Variants in CLMP observed in about 807,000 individuals in gnomAD.
CLMP encodes the protein CXADR like cell adhesion molecule.
Under a neutral mutation model 45.2 loss-of-function variants are expected in CLMP, and 27 were observed. The observed-to-expected ratio is 0.60, with a 90% CI of 0.44 to 0.82. The LOEUF is 0.82. Among genes scored for constraint, CLMP ranks in the 40% least tolerant of loss-of-function variants. The pLI, the probability that CLMP is intolerant of heterozygous loss-of-function variation, is 0.00. For synonymous variants in CLMP, 167 were observed against 171.4 expected (o/e 0.97, Z 0.20); for missense variants, 403 against 448.4 (o/e 0.90, Z 0.91).
At chr11:123,141,173 CTTTTTTTTTTTTTTTT>C (rs550888215) in intron 1 of CLMP, among the ~76,000 whole-genome samples, 4 of 80,808 alleles carry the variant, frequency 4.9e-5, no homozygotes, top group Non-Finnish European at 8.9e-5. Context: ...TCAGGCATTC[CTTTTTTTTTTTTTTTT>C]TTTTTTTTTT....
Position 123,195,203 on chromosome 11 carries a change from T to C in CLMP, c.-263A>G, listed in dbSNP as rs1258609370. The C allele has an allele frequency of 1.5e-5, 4 of 260,054 alleles. No homozygotes were observed. Among genetic ancestry groups the C allele is most frequent in the Non-Finnish European group, 2.9e-5 (4 of 139,360 alleles). The allele number at this position is 260,054 out of a possible 1,614,324, so 16.1% of individuals were successfully genotyped here. On this transcript the variant is annotated 5_prime_UTR_variant, in exon 1 of 7. Coordinates refer to ENST00000448775, the MANE Select transcript of CLMP (RefSeq NM_024769.5). ...AGGAAAACGCGAGGCGAAAAGGCGC[T>C]ACCGCTTCGTGGAACACTTTTCCCT...
intron 5 of CLMP, among the ~76,000 whole-genome samples, chr11:123,081,822 A>G (rs1353680535): frequency 2.0e-5 from 3 of 151,094 alleles, no homozygotes; most frequent in Non-Finnish European, 4.4e-5. Flanking sequence ...AGATCACACC[A>G]CTGCACTCCA....
intron 1 of CLMP, among the ~76,000 whole-genome samples, chr11:123,113,672 G>A (rs115344829): frequency 0.019 from 2,951 of 152,242 alleles, 98 homozygotes; most frequent in African/African-American, 0.066. Context: ...AGGATGGTCA[G>A]TAATAAAACA....
chr11:123,184,667 T>G (rs1861810856), intron 1 of CLMP, among the ~76,000 whole-genome samples: 1 of 152,212 alleles, frequency 6.6e-6, no homozygotes, highest in South Asian at 2.1e-4. Context: ...CAGTCAACAT[T>G]GCTGGGAGGG....
chr11:123,166,682 T>C (rs1397167692), intron 1 of CLMP, among the ~76,000 whole-genome samples: 1 of 152,220 alleles, frequency 6.6e-6, no homozygotes, highest in Non-Finnish European at 1.5e-5. Flanking sequence ...AGAAGTCTGC[T>C]GCCAATAGGA....
intron 2 of CLMP, among the ~76,000 whole-genome samples, chr11:123,086,799 G>C (rs748538443): frequency 6.6e-6 from 1 of 152,146 alleles, no homozygotes. Flanking sequence ...TGGTTTGCTT[G>C]AGCCCAGGAG....
intron 1 of CLMP, among the ~76,000 whole-genome samples, chr11:123,136,812 A>C (rs1156721288): frequency 1.3e-5 from 2 of 151,468 alleles, no homozygotes; most frequent in Non-Finnish European, 2.9e-5. Flanking sequence ...CACAGGATCC[A>C]CCTGCCTCGG....
intron 1 of CLMP, among the ~76,000 whole-genome samples, chr11:123,182,613 G>A (rs7130937): frequency 0.11 from 16,466 of 152,136 alleles, 1,962 homozygotes; most frequent in African/African-American, 0.3. Flanking sequence ...CCCTCTGGGC[G>A]TTTATTTCCC....
chr11:123,183,009 C>T (rs1247318570), intron 1 of CLMP, among the ~76,000 whole-genome samples: 1 of 152,160 alleles, frequency 6.6e-6, no homozygotes, highest in African/African-American at 2.4e-5. Flanking sequence ...GAGGATGTCA[C>T]CTCTCTCAGG....
chr11:123,169,629 A>T (rs986319540), intron 1 of CLMP, among the ~76,000 whole-genome samples: 1 of 152,224 alleles, frequency 6.6e-6, no homozygotes, highest in Admixed American at 6.5e-5. Context: ...AAAGAGAGTC[A>T]AACTTTGTAA....
In CLMP at chr11:123,072,493, A is replaced by G. The variant is rs1865683525; in HGVS notation, c.*981T>C. The G allele has an allele frequency of 6.6e-6, 1 of 152,128 alleles. No homozygotes were observed. Among genetic ancestry groups the G allele is most frequent in the Admixed American group, 6.6e-5 (1 of 15,262 alleles). The allele number at this position is 152,128 out of a possible 1,614,324, so 9.4% of individuals were successfully genotyped here. On this transcript the variant is annotated 3_prime_UTR_variant, in exon 7 of 7. Coordinates refer to ENST00000448775, the MANE Select transcript of CLMP (RefSeq NM_024769.5). Reference sequence around the variant, plus strand: ...TCTAATCTCCCTTTCTAGTCCACCCAGTCTTGCAATTCTGGTTTCACATTT... The same window carrying G: ...TCTAATCTCCCTTTCTAGTCCACCCGGTCTTGCAATTCTGGTTTCACATTT...
chr11:123,083,322 A>G, intron 4 of CLMP, 115 bp from the exon 5 acceptor site: 1 of 1,067,872 alleles, frequency 9.4e-7, no homozygotes, highest in African/African-American at 1.6e-5. Flanking sequence ...TAAGAATGAA[A>G]TGATGGAAAA....
At chr11:123,116,285 G>T (rs1373930284) in intron 1 of CLMP, among the ~76,000 whole-genome samples, 2 of 152,028 alleles carry the variant, frequency 1.3e-5, no homozygotes, top group Admixed American at 6.6e-5. Flanking sequence ...AAGCCTTAAA[G>T]GCCTGGCATG....
intron 1 of CLMP, among the ~76,000 whole-genome samples, chr11:123,175,130 A>T (rs578116987): frequency 7.3e-4 from 111 of 152,086 alleles, no homozygotes; most frequent in Admixed American, 2.0e-3. Context: ...ATTAAAAAAA[A>T]TTTTTTTTAA....
chr11:123,175,794 CA>C (rs1271286152), intron 1 of CLMP, among the ~76,000 whole-genome samples: 1 of 152,206 alleles, frequency 6.6e-6, no homozygotes, highest in African/African-American at 2.4e-5. Context: ...AGATGTTTGT[CA>C]TCTAGATCCT....
intron 1 of CLMP, among the ~76,000 whole-genome samples, chr11:123,133,416 C>T (rs1861020818): frequency 6.6e-6 from 1 of 152,246 alleles, no homozygotes; most frequent in African/African-American, 2.4e-5. Flanking sequence ...ACCCTTGCTT[C>T]CTTTTAGCAG....
chr11:123,181,142 C>T (rs1397297557), intron 1 of CLMP, among the ~76,000 whole-genome samples: 1 of 152,228 alleles, frequency 6.6e-6, no homozygotes, highest in East Asian at 1.9e-4. Flanking sequence ...GAACCTACAC[C>T]TTCTCCCTTC....
intron 1 of CLMP, among the ~76,000 whole-genome samples, chr11:123,149,820 T>TC (rs1178419393): frequency 4.7e-5 from 5 of 105,292 alleles, no homozygotes; most frequent in Non-Finnish European, 7.6e-5. Context: ...TCTTTCTCTC[T>TC]TTTTTTTTTT....
intron 4 of CLMP, 22 bp from the exon 5 acceptor site, chr11:123,083,229 CTG>C (rs1159815792): frequency 1.7e-5 from 28 of 1,609,674 alleles, no homozygotes; most frequent in African/African-American, 2.7e-5. Context: ...GAAAGAATGA[CTG>C]TAAATCCCTT....
Sources: gnomAD v4.1 joint callset for allele counts (sites outside exome capture counted in the v4.1 genomes callset) on GRCh38, gnomAD v4.1.1 for gene constraint, MANE v1.5 for transcripts, NCBI Gene and HGNC (gene_info 2026-07-23, HGNC 2026-07-21) for gene names.